Variants in ATP6V1H observed in about 807,000 individuals in gnomAD.
ATP6V1H encodes the protein V-type proton ATPase subunit H.
In ATP6V1H, 39 loss-of-function variants were observed where a neutral mutation model predicts 71.7. That is an observed-to-expected ratio of 0.54 (90% CI 0.42 to 0.71). ATP6V1H has a LOEUF of 0.71. Ranked by LOEUF, ATP6V1H falls within the 30% of genes least tolerant of loss-of-function variation. ATP6V1H has a pLI of 0.00. For synonymous variants in ATP6V1H, 192 were observed against 199.3 expected, an observed-to-expected ratio of 0.96 and a Z score of 0.31; for missense variants, 509 against 594.9, an observed-to-expected ratio of 0.86 and a Z score of 1.50.
rs1346380797 is a variant in ATP6V1H at position 53,769,654 on chromosome 8, G to C, written c.1139C>G (p.Ala380Gly). The C allele has an allele frequency of 1.1e-5, 17 of 1,612,950 alleles. No individual in the cohort carries two copies. In the South Asian group the frequency reaches 1.9e-4, roughly 18 times the overall value. The change falls in exon 11 of 14, where the codon GCT becomes GGT. Residue 380 changes from alanine to glycine, a missense_variant. Physicochemically the swap from Ala to Gly is moderately conservative, Grantham distance 60 (BLOSUM62 0). Coordinates refer to ENST00000359530, the MANE Select transcript of ATP6V1H (RefSeq NM_015941.4). ...HKSEKFWREN[A>G]VRLNEKNYEL... The stretch of plus-strand genomic sequence containing the variant: ...ATAATTCTTCTCATTTAACCTCACA[G>C]CATTCTCTCTCCAAAATTTCTCAGA...
Position 53,795,810 on chromosome 8 carries a change from C to T in ATP6V1H, c.707G>A (p.Gly236Asp). The T allele has an allele frequency of 6.2e-7, 1 of 1,612,170 alleles. No homozygotes were observed. ...AATCATTTGATACTGGAGCTGAAAG[C>T]CACACTTGTTACTCAACACTCCCAT... ...CIMGVLSNKC[G>D]FQLQYQMIFS... is the part of the protein sequence containing the mutation. The change falls in exon 9 of 14, where the codon GGC (glycine) becomes GAC (aspartate). Residue 236 changes from glycine to aspartate, a missense_variant. Gly to Asp is a moderately conservative substitution (Grantham distance 94). Around this residue, in one of 2 missense-constraint regions of ATP6V1H, gnomAD observed 297 missense variants for 303.3 expected, o/e 0.98. Coordinates refer to ENST00000359530, the MANE Select transcript of ATP6V1H (RefSeq NM_015941.4).
intron 7 of ATP6V1H, among the ~76,000 whole-genome samples, chr8:53,809,685 T>TA (rs1394775842): frequency 6.6e-6 from 1 of 152,192 alleles, no homozygotes; most frequent in African/African-American, 2.4e-5. Context: ...TTTAATAACT[T>TA]AAAATACTTT....
intron 4 of ATP6V1H, among the ~76,000 whole-genome samples, chr8:53,827,817 G>T (rs1368900698): frequency 6.6e-6 from 1 of 151,996 alleles, no homozygotes; most frequent in Non-Finnish European, 1.5e-5. Flanking sequence ...TTGTGTCCAT[G>T]TGTTCTCATC....
chr8:53,800,790 A>C (rs1002908391), intron 8 of ATP6V1H, among the ~76,000 whole-genome samples: 2 of 152,158 alleles, frequency 1.3e-5, no homozygotes, highest in Non-Finnish European at 2.9e-5. Flanking sequence ...TGAAATTTCT[A>C]ATAGTTGTTT....
At chr8:53,842,935 C>A (rs188247658) in intron 1 of ATP6V1H, 99 bp downstream of exon 1, 1 of 152,570 alleles carries the variant, frequency 6.6e-6, no homozygotes, top group African/African-American at 2.4e-5. Flanking sequence ...GAGGACCAAG[C>A]GGCGAGACAC....
rs573023703 is a variant in ATP6V1H at position 53,775,778 on chromosome 8, T to A, written c.871-3611A>T. Among the ~76,000 whole-genome samples, 285 of 152,270 alleles carry A rather than the reference T, an allele frequency of 1.9e-3. 2 individuals carry two copies. The highest frequency in any genetic ancestry group is 6.7e-3 in the African/African-American group (277 of 41,490). ...TGCTGATTGGTGTGTTTACAATCCC[T>A]AAGCTAGACATAAAGACTCTCCACG... On this transcript the variant is annotated intron_variant, in intron 9 of 13. Transcript: ENST00000359530.
At chr8:53,734,420 T>C (rs775613558) in intron 13 of ATP6V1H, among the ~76,000 whole-genome samples, 3 of 152,164 alleles carry the variant, frequency 2.0e-5, no homozygotes, top group East Asian at 1.9e-4. Context: ...GATACTGTCA[T>C]TGAAGCCCAA....
At chr8:53,817,763 G>A (rs1041658066) in intron 4 of ATP6V1H, among the ~76,000 whole-genome samples, 8 of 152,056 alleles carry the variant, frequency 5.3e-5, no homozygotes, top group African/African-American at 1.4e-4. Context: ...ATCACAAAGT[G>A]TAAGACTACA....
At chr8:53,824,690 T>G (rs773083534) in intron 4 of ATP6V1H, among the ~76,000 whole-genome samples, 1 of 152,110 alleles carries the variant, frequency 6.6e-6, no homozygotes, top group South Asian at 2.1e-4. Flanking sequence ...CACCTATTCT[T>G]AATAATAGCA....
At position 53,837,096 on chromosome 8, in the gene ATP6V1H, G is replaced by A. The variant is rs186249804; in HGVS notation, c.114-4010C>T. Among the ~76,000 whole-genome samples, 826 of 151,342 alleles carry A rather than the reference G, an allele frequency of 5.5e-3. 7 individuals carry two copies. The highest frequency in any genetic ancestry group is 0.018 in the African/African-American group (728 of 41,198). On this transcript the variant is annotated intron_variant, in intron 2 of 13. Transcript: ENST00000359530. ...GCGGAGGTTGCAGTGAGCCAAGAAC[G>A]CACCATTGCACTCCAGCCTGGGCGA...
At chr8:53,750,007 T>C (rs989448699) in intron 12 of ATP6V1H, among the ~76,000 whole-genome samples, 1 of 152,194 alleles carries the variant, frequency 6.6e-6, no homozygotes, top group East Asian at 1.9e-4. Flanking sequence ...TTCCTGAACA[T>C]CATGTATTTT....
At chr8:53,807,464 T>C (rs957841598) in intron 7 of ATP6V1H, among the ~76,000 whole-genome samples, 6 of 152,240 alleles carry the variant, frequency 3.9e-5, no homozygotes, top group African/African-American at 1.4e-4. Context: ...CTAAGTCCTT[T>C]TTCCTCTCAA....
intron 3 of ATP6V1H, chr8:53,831,704 CA>C (rs1219438248): frequency 6.8e-6 from 1 of 147,604 alleles, no homozygotes; most frequent in Non-Finnish European, 1.5e-5. Context: ...TTCATCATAT[CA>C]AAACTCTCAC....
At position 53,726,451 on chromosome 8, in the gene ATP6V1H, G is replaced by T. The variant is rs192152532; in HGVS notation, c.1392-10427C>A. On this transcript the variant is annotated intron_variant, in intron 13 of 13. Transcript: ENST00000359530. ...TAAATCTAAGGTACTTAAAATTTTTGATTTTGACAGAGATTTCAACAAGGT... is the reference window on the plus strand; with the variant it reads ...TAAATCTAAGGTACTTAAAATTTTTTATTTTGACAGAGATTTCAACAAGGT... Among the ~76,000 whole-genome samples, 93 of 152,038 alleles carry T rather than the reference G, an allele frequency of 6.1e-4. 1 individual carries two copies. Among genetic ancestry groups the T allele is most frequent in the Non-Finnish European group, 1.0e-3 (69 of 67,950 alleles).
intron 12 of ATP6V1H, among the ~76,000 whole-genome samples, chr8:53,754,043 T>C (rs527956992): frequency 6.6e-6 from 1 of 152,192 alleles, no homozygotes; most frequent in African/African-American, 2.4e-5. Context: ...GGAAGCCAGA[T>C]GAGCCCTGCA....
At chr8:53,820,499 A>G (rs534633598) in intron 4 of ATP6V1H, among the ~76,000 whole-genome samples, 54 of 152,018 alleles carry the variant, frequency 3.6e-4, no homozygotes, top group South Asian at 6.2e-4. Context: ...TAATCTCTAC[A>G]ATTAAAAAAT....
chr8:53,838,716 G>C (rs554842832), intron 2 of ATP6V1H, among the ~76,000 whole-genome samples: 1 of 152,024 alleles, frequency 6.6e-6, no homozygotes, highest in Non-Finnish European at 1.5e-5. Flanking sequence ...ATTTATGTAT[G>C]TCTATTTATT....
At chr8:53,813,541 T>C (rs1810353548) in intron 6 of ATP6V1H, among the ~76,000 whole-genome samples, 1 of 152,086 alleles carries the variant, frequency 6.6e-6, no homozygotes, top group Non-Finnish European at 1.5e-5. Context: ...CAAAATCTCA[T>C]TCCCTTCTAC....
chr8:53,732,608 A>C lies in ATP6V1H; in HGVS notation c.1391+10969T>G, dbSNP rs1350917650. Among the ~76,000 whole-genome samples the C allele has an allele frequency of 2.0e-5, 3 of 152,108 alleles. No homozygotes were observed. The East Asian group carries it at 5.8e-4, about 29-fold the overall frequency. Reference sequence around the variant, plus strand: ...CCTTTAGAGTGACTCATAGTTAAACATAATATAGACAAAACCAGCATAGAT... The same window carrying C: ...CCTTTAGAGTGACTCATAGTTAAACCTAATATAGACAAAACCAGCATAGAT... On this transcript the variant is annotated intron_variant, in intron 13 of 13. Coordinates refer to ENST00000359530, the MANE Select transcript of ATP6V1H (RefSeq NM_015941.4).
Sources: allele counts gnomAD v4.1 joint callset (sites outside exome capture counted in the v4.1 genomes callset), GRCh38; gene constraint gnomAD v4.1.1; regional missense constraint gnomAD v4.1.1; transcripts MANE v1.5; gene names NCBI Gene and HGNC (gene_info 2026-07-23, HGNC 2026-07-21).